The following TRIM35 variants were observed in gnomAD, a reference collection of about 807,000 sequenced individuals.
TRIM35 encodes tripartite motif containing 35.
Under a neutral mutation model 49.1 loss-of-function variants are expected in TRIM35, and 37 were observed. That is an observed-to-expected ratio of 0.75 (90% CI 0.58 to 0.99). The LOEUF is 0.99. TRIM35 is among the 50% of genes least tolerant of loss of function. The probability of loss-of-function intolerance (pLI) is 0.00; values close to 1 mark genes in which losing one functional copy is unlikely to be tolerated. For synonymous variants in TRIM35, 302 were observed against 289.3 expected (o/e 1.04, Z -0.45); for missense variants, 648 against 702.7 (o/e 0.92, Z 0.88).
intron 1 of TRIM35, among the ~76,000 whole-genome samples, chr8:27,303,646 G>A (rs1393303221): frequency 6.6e-6 from 1 of 152,048 alleles, no homozygotes; most frequent in African/African-American, 2.4e-5. Flanking sequence ...AACAAGCTTC[G>A]ATGTTAGCAT....
chr8:27,302,625 C>T (rs1056587574), intron 1 of TRIM35, among the ~76,000 whole-genome samples: 2 of 152,112 alleles, frequency 1.3e-5, no homozygotes, highest in Non-Finnish European at 2.9e-5. Flanking sequence ...GCAAGCTGGT[C>T]TGAAACTCCT....
At chr8:27,310,294 C>T (rs1160934334) in intron 1 of TRIM35, among the ~76,000 whole-genome samples, 1 of 152,222 alleles carries the variant, frequency 6.6e-6, no homozygotes, top group African/African-American at 2.4e-5. Flanking sequence ...GGCCAGCCAG[C>T]CAGGGTCAGA....
At chr8:27,298,589 G>T (rs766835385) in intron 1 of TRIM35, 30 bp from the exon 2 acceptor site, 2 of 1,592,902 alleles carry the variant, frequency 1.3e-6, no homozygotes, top group South Asian at 1.1e-5. Flanking sequence ...GAGGGAGGAA[G>T]ACAGGTTAGG....
In TRIM35 at chr8:27,290,159, C is replaced by T. The variant is rs142245005; in HGVS notation, c.782G>A (p.Arg261His). 26 of 1,613,874 alleles carry T rather than the reference C, an allele frequency of 1.6e-5. No homozygotes were observed. Among genetic ancestry groups the T allele is most frequent in the African/African-American group, 1.1e-4 (8 of 74,886 alleles). Residue 261 changes from arginine to histidine, a missense_variant, in exon 4 of 6, where the codon CGC (arginine) becomes CAC (histidine). Coordinates refer to ENST00000305364, the MANE Select transcript of TRIM35 (RefSeq NM_171982.5). ...TCCACCAGCTTTGGCAACTTACCGGCGTTTTCGGCTCTTGTGTTTCTGAAA... is the reference window on the plus strand; with the variant it reads ...TCCACCAGCTTTGGCAACTTACCGGTGTTTTCGGCTCTTGTGTTTCTGAAA... The part of the protein sequence containing the change: ...SFLMKHKSRK[R>H]RLFCTMEPEP...
At position 27,294,176 on chromosome 8, in the gene TRIM35, C is replaced by G. The variant is rs1463319664; in HGVS notation, c.666G>C (p.Glu222Asp). The G allele has an allele frequency of 3.7e-6, 6 of 1,614,102 alleles. No individual in the cohort carries two copies. The Admixed American group carries it at 1.0e-4, about 27-fold the overall frequency. The stretch of plus-strand genomic sequence containing the variant: ...TCTCCTCTGTGAGCTGCTTCATCTT[C>G]TCGTCGGCCAGAAGTTGCTTCTGCC... ...ETRQKQLLAD[E>D]KMKQLTEETE... The change falls in exon 3 of 6, where the codon GAG (glutamate) becomes GAC (aspartate). Residue 222 changes from glutamate (E) to aspartate (D), a missense_variant. Physicochemically the swap from Glu to Asp is conservative, Grantham distance 45. Transcript: ENST00000305364.
At chr8:27,303,246 GA>G (rs1563443912) in intron 1 of TRIM35, among the ~76,000 whole-genome samples, 1 of 152,056 alleles carries the variant, frequency 6.6e-6, no homozygotes, top group Non-Finnish European at 1.5e-5. Context: ...CATTTAACTG[GA>G]GTATTTAACA....
At chr8:27,302,065 T>C (rs1349967038) in intron 1 of TRIM35, among the ~76,000 whole-genome samples, 2 of 152,204 alleles carry the variant, frequency 1.3e-5, no homozygotes, top group Admixed American at 6.5e-5. Flanking sequence ...ATAATTTCTA[T>C]AGCTGTAAAA....
At chr8:27,294,400 A>T in intron 2 of TRIM35, 90 bp from the exon 3 acceptor site, 1 of 1,249,356 alleles carries the variant, frequency 8.0e-7, no homozygotes, top group East Asian at 2.5e-5. Flanking sequence ...AAGGAAATTT[A>T]TGTTCAAATA....
chr8:27,292,844 TA>T (rs1214735155), intron 3 of TRIM35, among the ~76,000 whole-genome samples: 1 of 152,124 alleles, frequency 6.6e-6, no homozygotes, highest in East Asian at 1.9e-4. Flanking sequence ...GCATGTAAAT[TA>T]TATCTCAATA....
intron 1 of TRIM35, among the ~76,000 whole-genome samples, chr8:27,305,124 C>T (rs1802757459): frequency 6.6e-6 from 1 of 152,180 alleles, no homozygotes; most frequent in Admixed American, 6.5e-5. Flanking sequence ...CAAATCAATC[C>T]CTATAAGATG....
At position 27,287,412 on chromosome 8, in the gene TRIM35, G is replaced by A; in HGVS notation, c.*138C>T. The stretch of plus-strand genomic sequence containing the variant: ...GAGAGAGGCACAGCCTGGAGTCATG[G>A]AAAAGGACCAGGCAGGACAGGAGGA... On this transcript the variant is annotated 3_prime_UTR_variant, in exon 6 of 6. Coordinates refer to ENST00000305364, the MANE Select transcript of TRIM35 (RefSeq NM_171982.5). This position sits in a 1 kb window ranked among gnomAD's most constrained non-coding sequence, Gnocchi z 6.0. 1.0e-6 allele frequency: 1 copy of A among 952,994 alleles called. No individual in the cohort carries two copies. The highest frequency in any genetic ancestry group is 1.5e-6 in the Non-Finnish European group (1 of 650,902). The allele number at this position is 952,994 out of a possible 1,614,324, so 59.0% of individuals were successfully genotyped here.
intron 3 of TRIM35, among the ~76,000 whole-genome samples, chr8:27,293,162 C>A (rs1480297340): frequency 6.6e-6 from 1 of 152,038 alleles, no homozygotes; most frequent in Non-Finnish European, 1.5e-5. Context: ...ACTGCCTGAA[C>A]AGATAACTGT....
intron 1 of TRIM35, among the ~76,000 whole-genome samples, chr8:27,304,601 G>A (rs1802745621): frequency 6.6e-6 from 1 of 152,206 alleles, no homozygotes; most frequent in Non-Finnish European, 1.5e-5. Flanking sequence ...CTTGCATAGT[G>A]GTGCTCGGTA....
intron 1 of TRIM35, among the ~76,000 whole-genome samples, chr8:27,300,282 T>G (rs1236486752): frequency 3.3e-5 from 5 of 152,222 alleles, no homozygotes; most frequent in Non-Finnish European, 5.9e-5. Flanking sequence ...TGACAGACCT[T>G]GAGGCAGAGG....
chr8:27,285,257 T>C lies in TRIM35; in HGVS notation c.*2293A>G, dbSNP rs1802287159. 1 of 152,208 alleles carries C rather than the reference T, an allele frequency of 6.6e-6. No individual in the cohort carries two copies. The highest frequency in any genetic ancestry group is 1.5e-5 in the Non-Finnish European group (1 of 68,048). 9.4% of individuals were successfully genotyped at this position (152,208 alleles called of 1,614,324 possible). On this transcript the variant is annotated 3_prime_UTR_variant, in exon 6 of 6. Transcript: ENST00000305364. ...GAGTCATCAGAACCCTCATGCCCTG[T>C]TGATGGGATATAAAATTGTGTCACC...
chr8:27,296,489 T>G (rs756022609), intron 2 of TRIM35, among the ~76,000 whole-genome samples: 12 of 152,184 alleles, frequency 7.9e-5, no homozygotes, highest in Non-Finnish European at 1.0e-4. Context: ...CTGAATTTAA[T>G]AGAAAAAGTA....
In TRIM35 at chr8:27,287,926, C is replaced by A; in HGVS notation, c.1106G>T (p.Arg369Met). Reference protein sequence around the residue: ...EVALGGLQSWRVGVVRVRQDS... With the variant: ...EVALGGLQSWMVGVVRVRQDS... ...CTGGCGCACACGTACCACGCCCACC[C>A]TCCAGCTCTGCAGCCCCCCAAGGGC... is the stretch of plus-strand genomic sequence containing the variant. The change falls in exon 6 of 6, where the codon AGG becomes ATG. Residue 369 changes from arginine (R) to methionine (M), a missense_variant. Physicochemically the swap from Arg to Met is moderately conservative, Grantham distance 91 (BLOSUM62 -1). Coordinates refer to ENST00000305364, the MANE Select transcript of TRIM35 (RefSeq NM_171982.5). The surrounding 1 kb of genome is among the most constrained non-coding windows in gnomAD (Gnocchi z 6.0). 1 of 1,613,082 alleles carries A rather than the reference C, an allele frequency of 6.2e-7. No individual in the cohort carries two copies. The highest frequency in any genetic ancestry group is 8.5e-7 in the Non-Finnish European group (1 of 1,179,842).
At chr8:27,288,270 G>A in intron 5 of TRIM35, 143 bp from the exon 6 acceptor site, 1 of 790,106 alleles carries the variant, frequency 1.3e-6, no homozygotes, top group Non-Finnish European at 2.0e-6. Flanking sequence ...TGGAGTGGTG[G>A]CAGGGGTTGG....
intron 3 of TRIM35, among the ~76,000 whole-genome samples, chr8:27,290,557 CA>C (rs1433205261): frequency 1.3e-5 from 2 of 152,206 alleles, no homozygotes; most frequent in Non-Finnish European, 2.9e-5. Context: ...TGACCCACAC[CA>C]AATGCCAGAG....
Sources: allele counts gnomAD v4.1 joint callset (sites outside exome capture counted in the v4.1 genomes callset), GRCh38; gene constraint gnomAD v4.1.1; non-coding constraint Gnocchi (gnomAD v3.1); transcripts MANE v1.5; gene names NCBI Gene and HGNC (gene_info 2026-07-23, HGNC 2026-07-21).